Variants in OR5AN1 observed in about 807,000 individuals in gnomAD.
The protein encoded by OR5AN1 is olfactory receptor 5AN1.
For missense variants in OR5AN1, 476 were observed against 368.9 expected (o/e 1.29, Z -2.38); for synonymous variants, 167 against 131.8 (o/e 1.27, Z -1.83).
At chr11:59,361,124 A>C (rs1001835411) in intron 1 of OR5AN1, among the ~76,000 whole-genome samples, 2 of 151,564 alleles carry the variant, frequency 1.3e-5, no homozygotes, top group African/African-American at 4.8e-5. Context: ...GATAGAAAGA[A>C]GTACAATCAT....
At position 59,366,166 on chromosome 11, in the gene OR5AN1, A is replaced by T. The variant is rs1042096841; in HGVS notation, c.*772A>T. 6.6e-6 allele frequency: 1 copy of T among 152,186 alleles called. No individual in the cohort carries two copies. Among genetic ancestry groups the T allele is most frequent in the Non-Finnish European group, 1.5e-5 (1 of 68,022 alleles). 9.4% of individuals were successfully genotyped at this position (152,186 alleles called of 1,614,324 possible). ...TCTTGTATCTAGAGTCTAGTGGGAA[A>T]TTATAATGGAGATGATATTCAAAGT... On this transcript the variant is annotated 3_prime_UTR_variant, in exon 2 of 2. Transcript: ENST00000641998.
Position 59,362,639 on chromosome 11 carries a change from G to T in OR5AN1, c.-13-1807G>T, listed in dbSNP as rs149914843. Among the ~76,000 whole-genome samples, 1,275 of 152,120 alleles carry T rather than the reference G, an allele frequency of 8.4e-3. 56 individuals carry two copies. The highest frequency in any genetic ancestry group is 0.074 in the Admixed American group (1,129 of 15,274). On this transcript the variant is annotated intron_variant, in intron 1 of 1. Coordinates refer to ENST00000641998, the MANE Select transcript of OR5AN1 (RefSeq NM_001004729.2). ...CTAATTATTCATCTTTTTCAAAATT[G>T]TCTTGGCTATTATCTATCATTGGTT...
At position 59,365,249 on chromosome 11, in the gene OR5AN1, G is replaced by C; in HGVS notation, c.791G>C (p.Ser264Thr). Reference protein sequence around the residue: ...TSGIFVYLSSSSGGSSSFDRF... With the variant: ...TSGIFVYLSSTSGGSSSFDRF... ...GGAATCTTTGTCTATTTGAGTTCCA[G>C]CTCTGGAGGTTCTTCAAGCTTTGAC... Residue 264 changes from serine to threonine, a missense_variant, in exon 2 of 2, where the codon AGC (serine) becomes ACC (threonine). Coordinates refer to ENST00000641998, the MANE Select transcript of OR5AN1 (RefSeq NM_001004729.2). The C allele has an allele frequency of 1.2e-6, 2 of 1,614,040 alleles. No individual in the cohort carries two copies. The highest frequency in any genetic ancestry group is 1.7e-6 in the Non-Finnish European group (2 of 1,179,966).
chr11:59,359,478 T>C (rs1326532559), intron 1 of OR5AN1: 1 of 152,154 alleles, frequency 6.6e-6, no homozygotes, highest in African/African-American at 2.4e-5. Context: ...CCTGCTTGGG[T>C]ATGTTTCCCA....
In OR5AN1 at chr11:59,364,491, C is replaced by A. The variant is rs746759857; in HGVS notation, c.33C>A (p.Thr11=). 10 of 1,612,320 alleles carry A rather than the reference C, an allele frequency of 6.2e-6. No homozygotes were observed. In the South Asian group the frequency reaches 1.1e-4, roughly 18 times the overall value. MTGGGNITEI[T]YFILLGFSDF... is the part of the protein sequence containing the mutation. Reference sequence around the variant, plus strand: ...GGGGAGGAAATATTACAGAAATCACCTATTTCATCCTGCTGGGATTCTCAG... The same window carrying A: ...GGGGAGGAAATATTACAGAAATCACATATTTCATCCTGCTGGGATTCTCAG... Residue 11 remains threonine, a synonymous_variant, in exon 2 of 2, where the codon ACC becomes ACA. Transcript: ENST00000641998.
intron 1 of OR5AN1, among the ~76,000 whole-genome samples, 196 bp from the exon 2 acceptor site, chr11:59,364,250 A>G (rs1213663406): frequency 1.3e-5 from 2 of 152,244 alleles, no homozygotes; most frequent in African/African-American, 4.8e-5. Flanking sequence ...TACTCCATGA[A>G]TTAATCAAGA....
chr11:59,364,538 T>C lies in OR5AN1; in HGVS notation c.80T>C (p.Val27Ala), dbSNP rs764426948. The C allele has an allele frequency of 1.9e-6, 3 of 1,613,780 alleles. No homozygotes were observed. In the Admixed American group the frequency reaches 5.0e-5, roughly 27 times the overall value. The change falls in exon 2 of 2, where the codon GTG becomes GCG. Residue 27 changes from valine to alanine, a missense_variant. Transcript: ENST00000641998. ...TCAGATTTTCCCAGGATCATAAAAG[T>C]GCTCTTCACTATATTCCTGGTGATC... ...GFSDFPRIIK[V>A]LFTIFLVIYI...
chr11:59,364,271 T>C, intron 1 of OR5AN1, 175 bp from the exon 2 acceptor site: 1 of 499,188 alleles, frequency 2.0e-6, no homozygotes, highest in Non-Finnish European at 3.5e-6. Context: ...ACCTGAAGCA[T>C]TGTGCAGGTA....
rs1339112700 is a variant in OR5AN1, at chr11:59,370,383, A to T, written c.*4989A>T. 1 of 152,210 alleles carries T rather than the reference A, an allele frequency of 6.6e-6. No individual in the cohort carries two copies. Among genetic ancestry groups the T allele is most frequent in the East Asian group, 1.9e-4 (1 of 5,196 alleles). The allele number at this position is 152,210 out of a possible 1,614,324, so 9.4% of individuals were successfully genotyped here. A position where few individuals can be genotyped will look rare whatever the true frequency, so the allele number is the denominator to read the frequency against. The stretch of plus-strand genomic sequence containing the variant: ...AAGAGACCCGTCTCACATGTAAGAC[A>T]CACACAGGCTCAAAATAAAGGGAAG... On this transcript the variant is annotated 3_prime_UTR_variant, in exon 2 of 2. Coordinates refer to ENST00000641998, the MANE Select transcript of OR5AN1 (RefSeq NM_001004729.2).
chr11:59,362,949 A>T (rs1388984481), intron 1 of OR5AN1, among the ~76,000 whole-genome samples: 2 of 152,232 alleles, frequency 1.3e-5, no homozygotes, highest in African/African-American at 4.8e-5. Flanking sequence ...AGCAAACTGA[A>T]GAAAAAATGG....
Position 59,368,247 on chromosome 11 carries a change from C to A in OR5AN1, c.*2853C>A, listed in dbSNP as rs2134487620. ...ACCAGGTACTGGAGCAGCCCCCAAGCATAAAACAGCAGCCCTATGGAAAAG... is the reference window on the plus strand; with the variant it reads ...ACCAGGTACTGGAGCAGCCCCCAAGAATAAAACAGCAGCCCTATGGAAAAG... On this transcript the variant is annotated 3_prime_UTR_variant, in exon 2 of 2. Transcript: ENST00000641998. The A allele has an allele frequency of 6.6e-6, 1 of 152,434 alleles. No individual in the cohort carries two copies. The highest frequency in any genetic ancestry group is 1.9e-4 in the East Asian group (1 of 5,170). The allele number at this position is 152,434 out of a possible 1,614,324, so 9.4% of individuals were successfully genotyped here.
chr11:59,361,327 G>A (rs941794709), intron 1 of OR5AN1, among the ~76,000 whole-genome samples: 3 of 152,132 alleles, frequency 2.0e-5, no homozygotes, highest in African/African-American at 7.2e-5. Flanking sequence ...TGTTGCCCAG[G>A]CTGGAGTGCA....
rs758923110 is a variant in OR5AN1 at position 59,369,082 on chromosome 11, C to A, written c.*3688C>A. On this transcript the variant is annotated 3_prime_UTR_variant, in exon 2 of 2. Transcript: ENST00000641998. ...ACAGACCCTACACAAAGCCTTGGCC[C>A]AGTGAAAACATCCAGAAAATAAGTT... 5 of 151,898 alleles carry A rather than the reference C, an allele frequency of 3.3e-5. No individual in the cohort carries two copies. The highest frequency in any genetic ancestry group is 1.2e-4 in the African/African-American group (5 of 41,324). 9.4% of individuals were successfully genotyped at this position (151,898 alleles called of 1,614,324 possible). A position where few individuals can be genotyped will look rare whatever the true frequency, so the allele number is the denominator to read the frequency against.
intron 1 of OR5AN1, 54 bp downstream of exon 1, chr11:59,359,326 AC>A (rs1468488562): frequency 6.6e-6 from 1 of 152,214 alleles, no homozygotes; most frequent in Admixed American, 6.5e-5. Context: ...GTGACCTTGA[AC>A]ACTGCTATCT....
rs1565053223 is a variant in OR5AN1 at position 59,364,793 on chromosome 11, AGTCTT to A, written c.340_344del (p.Cys114HisfsTer7). Reference sequence around the variant, plus strand: ...ATCTTTTCAACGATGGGACTGAGTGAGTCTTGTCTCATGACAGCCATGGCTTATGA... The same window carrying A: ...ATCTTTTCAACGATGGGACTGAGTGAGTCTCATGACAGCCATGGCTTATGA... On this transcript the variant is annotated frameshift_variant, in exon 2 of 2. Transcript: ENST00000641998. LOFTEE classifies it low-confidence loss of function (END_TRUNC). 2 of 1,613,934 alleles carry A rather than the reference AGTCTT, an allele frequency of 1.2e-6. No individual in the cohort carries two copies. Among genetic ancestry groups the A allele is most frequent in the East Asian group, 4.5e-5 (2 of 44,874 alleles).
In OR5AN1 at chr11:59,368,045, T is replaced by G. The variant is rs2134487408; in HGVS notation, c.*2651T>G. 1 of 152,418 alleles carries G rather than the reference T, an allele frequency of 6.6e-6. No individual in the cohort carries two copies. The highest frequency in any genetic ancestry group is 1.5e-5 in the Non-Finnish European group (1 of 68,138). The allele number at this position is 152,418 out of a possible 1,614,324, so 9.4% of individuals were successfully genotyped here. On this transcript the variant is annotated 3_prime_UTR_variant, in exon 2 of 2. Transcript: ENST00000641998. ...TTCAAGTGGTTCCTAATCCTGTTCC[T>G]CCTCACTGGGTGGAACCTCTCAACT...
At position 59,370,721 on chromosome 11, in the gene OR5AN1, G is replaced by A. The variant is rs1857585262; in HGVS notation, c.*5327G>A. ...AGAAAACAACTGGACAGCTATCTGT[G>A]CATGAAAATTGCTATAGGAAGGCTC... On this transcript the variant is annotated 3_prime_UTR_variant, in exon 2 of 2. Coordinates refer to ENST00000641998, the MANE Select transcript of OR5AN1 (RefSeq NM_001004729.2). 1.3e-5 allele frequency: 2 copies of A among 152,196 alleles called. No individual in the cohort carries two copies. Among genetic ancestry groups the A allele is most frequent in the Admixed American group, 1.3e-4 (2 of 15,278 alleles). The allele number at this position is 152,196 out of a possible 1,614,324, so 9.4% of individuals were successfully genotyped here.
At chr11:59,362,460 G>C (rs1426772380) in intron 1 of OR5AN1, among the ~76,000 whole-genome samples, 1 of 152,044 alleles carries the variant, frequency 6.6e-6, no homozygotes. Context: ...TTCTTTCACT[G>C]TCAACCAAAA....
In OR5AN1 at chr11:59,368,068, A is replaced by C. The variant is rs974079894; in HGVS notation, c.*2674A>C. ...CCTCCTCACTGGGTGGAACCTCTCA[A>C]CTAGGCTCTCCAGCCACTTCCTACA... On this transcript the variant is annotated 3_prime_UTR_variant, in exon 2 of 2. Transcript: ENST00000641998. 2.0e-5 allele frequency: 3 copies of C among 152,266 alleles called. No individual in the cohort carries two copies. Among genetic ancestry groups the C allele is most frequent in the African/African-American group, 7.2e-5 (3 of 41,434 alleles). 9.4% of individuals were successfully genotyped at this position (152,266 alleles called of 1,614,324 possible).
Sources: allele counts gnomAD v4.1 joint callset (sites outside exome capture counted in the v4.1 genomes callset), GRCh38; gene constraint gnomAD v4.1.1; transcripts MANE v1.5; gene names NCBI Gene and HGNC (gene_info 2026-07-23, HGNC 2026-07-21).